Variants in MOB3B observed in about 807,000 individuals in gnomAD.
The protein encoded by MOB3B is MOB kinase activator-like 2B.
A neutral mutation model predicts 18.7 loss-of-function variants in MOB3B; 7 were observed. The ratio of observed to expected loss-of-function variants is 0.37; its 90% CI spans 0.21 to 0.70. The LOEUF (loss-of-function observed/expected upper bound fraction) is 0.70. MOB3B is among the 30% of genes least tolerant of loss of function. The probability of loss-of-function intolerance (pLI) is 0.52; values close to 1 mark genes in which losing one functional copy is unlikely to be tolerated. For synonymous variants in MOB3B, 111 were observed against 99.9 expected, an observed-to-expected ratio of 1.11 and a Z score of -0.66; for missense variants, 253 against 281.3, an observed-to-expected ratio of 0.90 and a Z score of 0.72.
chr9:27,373,351 C>CTT (rs762208173), intron 2 of MOB3B, among the ~76,000 whole-genome samples: 4 of 152,190 alleles, frequency 2.6e-5, no homozygotes, highest in South Asian at 2.1e-4. Context: ...ACTATACACC[C>CTT]TTTGTTTGTT....
intron 2 of MOB3B, among the ~76,000 whole-genome samples, chr9:27,406,986 C>T (rs189096911): frequency 2.9e-3 from 436 of 152,210 alleles, no homozygotes; most frequent in Non-Finnish European, 4.8e-3. Flanking sequence ...TTACAGGCAG[C>T]TGCCACCATG....
intron 1 of MOB3B, among the ~76,000 whole-genome samples, chr9:27,477,585 A>G (rs1011347852): frequency 6.6e-6 from 1 of 152,258 alleles, no homozygotes. Flanking sequence ...TAGGTGGCCA[A>G]TAAATGGTTT....
chr9:27,476,500 G>A (rs899095416), intron 1 of MOB3B, among the ~76,000 whole-genome samples: 1 of 152,182 alleles, frequency 6.6e-6, no homozygotes, highest in Non-Finnish European at 1.5e-5. Context: ...AGTCATTTTA[G>A]ATTAGAGGCC....
chr9:27,511,747 T>G (rs1820149789), intron 1 of MOB3B, among the ~76,000 whole-genome samples: 1 of 152,176 alleles, frequency 6.6e-6, no homozygotes, highest in South Asian at 2.1e-4. Flanking sequence ...CCAGAAGGAT[T>G]TTTTTTCTTT....
At chr9:27,337,714 T>C (rs558787944) in intron 3 of MOB3B, among the ~76,000 whole-genome samples, 14 of 152,318 alleles carry the variant, frequency 9.2e-5, no homozygotes, top group Non-Finnish European at 1.8e-4. Flanking sequence ...CCTCTTGGAC[T>C]GTAGACAGGG....
intron 3 of MOB3B, among the ~76,000 whole-genome samples, chr9:27,350,939 G>T (rs1243455761): frequency 4.3e-5 from 6 of 140,686 alleles, no homozygotes; most frequent in African/African-American, 1.6e-4. Context: ...TCTCGCTGTT[G>T]TGCCCCAGGC....
intron 1 of MOB3B, among the ~76,000 whole-genome samples, chr9:27,462,305 T>A (rs1396324053): frequency 2.6e-5 from 4 of 152,082 alleles, no homozygotes; most frequent in African/African-American, 9.7e-5. Flanking sequence ...CTGGAAAATA[T>A]TCATTTTTGT....
At chr9:27,506,816 C>T (rs1173096105) in intron 1 of MOB3B, among the ~76,000 whole-genome samples, 1 of 151,238 alleles carries the variant, frequency 6.6e-6, no homozygotes, top group Non-Finnish European at 1.5e-5. Flanking sequence ...AGGCGTGAGC[C>T]ACCACACCCC....
At chr9:27,524,261 A>T in intron 1 of MOB3B, 1 of 1,467,814 alleles carries the variant, frequency 6.8e-7, no homozygotes, top group Non-Finnish European at 9.2e-7. Context: ...ATTCAGGTAT[A>T]TAAAGGCACA....
chr9:27,390,307 GT>G lies in MOB3B; in HGVS notation c.419-31072del, dbSNP rs540671469. On this transcript the variant is annotated intron_variant, in intron 2 of 3. Coordinates refer to ENST00000262244, the MANE Select transcript of MOB3B (RefSeq NM_024761.5). ...ACTCTGTGGCCCAGGCTGGAGTGCA[GT>G]GGGCGATCTCCGCTCACTGCCTCCT... Among the ~76,000 whole-genome samples, 141 of 152,194 alleles carry G rather than the reference GT, an allele frequency of 9.3e-4. 1 individual carries two copies. The highest frequency in any genetic ancestry group is 3.3e-3 in the African/African-American group (139 of 41,526).
At chr9:27,432,417 G>A (rs1822431269) in intron 2 of MOB3B, among the ~76,000 whole-genome samples, 1 of 152,098 alleles carries the variant, frequency 6.6e-6, no homozygotes, top group South Asian at 2.1e-4. Context: ...ATTTTTAGTA[G>A]TCTCTTTTCA....
intron 1 of MOB3B, among the ~76,000 whole-genome samples, chr9:27,466,347 C>G (rs539837087): frequency 2.6e-5 from 4 of 152,318 alleles, no homozygotes; most frequent in African/African-American, 9.6e-5. Context: ...CAGCCTGGAC[C>G]TTATTGTTCA....
chr9:27,455,092 G>C, intron 2 of MOB3B, 41 bp downstream of exon 2: 1 of 1,609,754 alleles, frequency 6.2e-7, no homozygotes. Context: ...AGTGAAGATT[G>C]TGCAGGTGAC....
intron 1 of MOB3B, among the ~76,000 whole-genome samples, chr9:27,501,567 A>G (rs1255654862): frequency 1.4e-5 from 2 of 140,918 alleles, no homozygotes; most frequent in Non-Finnish European, 3.1e-5. Flanking sequence ...ACTTGGACAC[A>G]GGGAGAGGAA....
At chr9:27,444,205 G>T (rs879390714) in intron 2 of MOB3B, among the ~76,000 whole-genome samples, 3 of 89,606 alleles carry the variant, frequency 3.3e-5, no homozygotes, top group Non-Finnish European at 6.5e-5. Context: ...GAAAGAAAAA[G>T]AAAGAAAGAA....
chr9:27,513,409 C>T (rs1820175580), intron 1 of MOB3B, among the ~76,000 whole-genome samples: 1 of 152,162 alleles, frequency 6.6e-6, no homozygotes, highest in African/African-American at 2.4e-5. Flanking sequence ...GGATCTCCTT[C>T]AAGCACACAT....
At chr9:27,492,955 C>A (rs1179781376) in intron 1 of MOB3B, among the ~76,000 whole-genome samples, 1 of 152,226 alleles carries the variant, frequency 6.6e-6, no homozygotes, top group East Asian at 1.9e-4. Flanking sequence ...GATAAGTATT[C>A]CTATCTTACA....
chr9:27,433,825 C>A (rs527349083), intron 2 of MOB3B, among the ~76,000 whole-genome samples: 1 of 152,236 alleles, frequency 6.6e-6, no homozygotes, highest in East Asian at 1.9e-4. Context: ...CAAGAGTGAC[C>A]TTTACAGAGC....
chr9:27,397,196 T>A (rs1234956806), intron 2 of MOB3B: 1 of 152,154 alleles, frequency 6.6e-6, no homozygotes, highest in Admixed American at 6.6e-5. Context: ...CCTCATACTA[T>A]TTCTTCTATA....
Sources: gnomAD v4.1 joint callset for allele counts (sites outside exome capture counted in the v4.1 genomes callset) on GRCh38, gnomAD v4.1.1 for gene constraint, MANE v1.5 for transcripts, NCBI Gene and HGNC (gene_info 2026-07-23, HGNC 2026-07-21) for gene names.